The following DACH1 variants were observed in gnomAD, a reference collection of about 807,000 sequenced individuals.
DACH1 encodes dachshund family transcription factor 1, also known as dachshund homolog 1.
Under a neutral mutation model 54.2 loss-of-function variants are expected in DACH1, and 12 were observed. The observed-to-expected ratio is 0.22, with a 90% CI of 0.14 to 0.36. DACH1 has a LOEUF of 0.36. DACH1 is among the 10% of genes least tolerant of loss of function. DACH1 has a pLI of 1.00. For synonymous variants in DACH1, 386 were observed against 366.2 expected (o/e 1.05, Z -0.62); for missense variants, 805 against 929.8 (o/e 0.87, Z 1.75).
intron 6 of DACH1, among the ~76,000 whole-genome samples, chr13:71,511,386 A>T (rs1043757818): frequency 2.6e-5 from 4 of 152,024 alleles, no homozygotes; most frequent in Non-Finnish European, 4.4e-5. Flanking sequence ...AGCCAAAAAA[A>T]ATGTAGTGAT....
At chr13:71,777,177 CCTT>C (rs948256059) in intron 1 of DACH1, among the ~76,000 whole-genome samples, 13 of 151,530 alleles carry the variant, frequency 8.6e-5, no homozygotes, top group Non-Finnish European at 1.5e-4. Flanking sequence ...AACATTTCCA[CCTT>C]CTTCTTCTTG....
chr13:71,662,483 TG>T (rs1879572650), intron 2 of DACH1, among the ~76,000 whole-genome samples: 2 of 151,980 alleles, frequency 1.3e-5, no homozygotes, highest in South Asian at 4.1e-4. Context: ...AAAATGGAAA[TG>T]GTAATAACTA....
At chr13:71,670,045 G>C (rs1370077910) in intron 2 of DACH1, among the ~76,000 whole-genome samples, 1 of 150,914 alleles carries the variant, frequency 6.6e-6, no homozygotes, top group African/African-American at 2.4e-5. Context: ...AAAAGTCCAT[G>C]GTATTCATTT....
rs765505277 is a variant in DACH1 at position 71,630,607 on chromosome 13, T to C, written c.1075A>G (p.Asn359Asp). The C allele has an allele frequency of 6.7e-5, 108 of 1,611,098 alleles. 1 individual carries two copies. In the East Asian group the frequency reaches 2.4e-3, roughly 36 times the overall value. ...TCAGAGTCTGCTCCATGTTGGTTAT[T>C]ACTGGCATGATAGTTGCTCATGGCT... ...LEAMSNYHAS[N>D]NQHGADSENG... is the part of the protein sequence containing the mutation. The change falls in exon 3 of 11, where the codon AAT becomes GAT. Residue 359 changes from asparagine (N) to aspartate (D), a missense_variant. Asn to Asp is a conservative substitution (Grantham distance 23). Around this residue, in one of 3 missense-constraint regions of DACH1, gnomAD observed 472 missense variants for 545.3 expected, o/e 0.87. Coordinates refer to ENST00000613252, the MANE Select transcript of DACH1 (RefSeq NM_080759.6).
intron 6 of DACH1, among the ~76,000 whole-genome samples, chr13:71,495,128 T>C (rs1030680555): frequency 1.3e-5 from 2 of 152,068 alleles, no homozygotes; most frequent in Non-Finnish European, 2.9e-5. Context: ...AAATTCCAAA[T>C]AGAAAAACAC....
chr13:71,735,241 CGTATATGGGATAT>C (rs1883987960), intron 1 of DACH1, among the ~76,000 whole-genome samples: 1 of 140,640 alleles, frequency 7.1e-6, no homozygotes, highest in African/African-American at 2.6e-5. Flanking sequence ...ATGGGATACA[CGTATATGGGATAT>C]ACGTGTATAT....
chr13:71,539,001 CTTATA>C (rs1218257029), intron 6 of DACH1, among the ~76,000 whole-genome samples: 1 of 151,754 alleles, frequency 6.6e-6, no homozygotes, highest in Non-Finnish European at 1.5e-5. Context: ...TGCACAGTTC[CTTATA>C]TTTTATTTTT....
intron 1 of DACH1, among the ~76,000 whole-genome samples, chr13:71,691,874 T>C (rs1359973876): frequency 3.9e-5 from 6 of 152,158 alleles, no homozygotes; most frequent in Admixed American, 2.6e-4. Context: ...TAGTAAATGT[T>C]GCAGAGCATG....
chr13:71,682,505 A>C (rs1231616508), intron 1 of DACH1, among the ~76,000 whole-genome samples: 1 of 152,200 alleles, frequency 6.6e-6, no homozygotes, highest in African/African-American at 2.4e-5. Context: ...GATAAATGAC[A>C]ATACATATCT....
At position 71,653,538 on chromosome 13, in the gene DACH1, A is replaced by T. The variant is rs144672284; in HGVS notation, c.965-22821T>A. ...ACCTACTGTAATTGTTACACCTGAC[A>T]CCTGTGGTTATCGCACCTGCTAGGA... On this transcript the variant is annotated intron_variant, in intron 2 of 10. Coordinates refer to ENST00000613252, the MANE Select transcript of DACH1 (RefSeq NM_080759.6). Among the ~76,000 whole-genome samples the T allele has an allele frequency of 1.8e-4, 28 of 152,282 alleles. No individual in the cohort carries two copies. The East Asian group carries it at 3.3e-3, about 18-fold the overall frequency.
chr13:71,566,936 C>G (rs781675310), intron 4 of DACH1, among the ~76,000 whole-genome samples: 15 of 152,028 alleles, frequency 9.9e-5, no homozygotes, highest in Non-Finnish European at 2.2e-4. Context: ...TGTCACATTG[C>G]TCTAAGATTC....
intron 1 of DACH1, among the ~76,000 whole-genome samples, chr13:71,697,712 C>A (rs1461567437): frequency 6.6e-6 from 1 of 152,044 alleles, no homozygotes; most frequent in African/African-American, 2.4e-5. Context: ...CAAAAATAAA[C>A]CACCTTTAAA....
At chr13:71,681,970 A>T in intron 1 of DACH1, 60 bp from the exon 2 acceptor site, 1 of 1,008,718 alleles carries the variant, frequency 9.9e-7, no homozygotes, top group Admixed American at 2.4e-5. Context: ...ATCATTTCAA[A>T]GTTGTTTCAA....
At chr13:71,560,573 T>C (rs1206188947) in intron 4 of DACH1, among the ~76,000 whole-genome samples, 1 of 152,148 alleles carries the variant, frequency 6.6e-6, no homozygotes, top group East Asian at 1.9e-4. Context: ...CACAACTGTA[T>C]TAAGGGCACA....
intron 6 of DACH1, among the ~76,000 whole-genome samples, chr13:71,512,762 G>A (rs1275514966): frequency 6.6e-6 from 1 of 151,814 alleles, no homozygotes; most frequent in African/African-American, 2.4e-5. Context: ...ATCCATAGTT[G>A]CCAAACTGTG....
chr13:71,524,970 T>G (rs1881855121), intron 6 of DACH1, among the ~76,000 whole-genome samples: 1 of 152,136 alleles, frequency 6.6e-6, no homozygotes, highest in Admixed American at 6.6e-5. Flanking sequence ...AAGGCTGGCA[T>G]TTAGCATGAC....
intron 6 of DACH1, among the ~76,000 whole-genome samples, chr13:71,494,388 T>C (rs186602084): frequency 2.7e-4 from 41 of 152,178 alleles, no homozygotes; most frequent in Admixed American, 5.2e-4. Context: ...TTTTTTCCCC[T>C]GGGTTAGCAA....
intron 3 of DACH1, among the ~76,000 whole-genome samples, chr13:71,617,831 A>G (rs1340848583): frequency 1.3e-5 from 2 of 152,174 alleles, no homozygotes; most frequent in African/African-American, 4.8e-5. Context: ...AAAGCAATCA[A>G]TAAAAAAAGT....
chr13:71,683,617 G>A (rs1441933122), intron 1 of DACH1, among the ~76,000 whole-genome samples: 1 of 151,950 alleles, frequency 6.6e-6, no homozygotes, highest in Non-Finnish European at 1.5e-5. Context: ...TAACCCATAG[G>A]GATATTGTCG....
Sources: allele counts gnomAD v4.1 joint callset (sites outside exome capture counted in the v4.1 genomes callset), GRCh38; gene constraint gnomAD v4.1.1; regional missense constraint gnomAD v4.1.1; transcripts MANE v1.5; gene names NCBI Gene and HGNC (gene_info 2026-07-23, HGNC 2026-07-21).